The following RSBN1L variants were observed in gnomAD, a reference collection of about 807,000 sequenced individuals.
RSBN1L encodes the protein round spermatid basic protein 1 like, also known as lysine-specific demethylase RSBN1L.
In RSBN1L, 30 loss-of-function variants were observed where a neutral mutation model predicts 67.7. The ratio of observed to expected loss-of-function variants is 0.44; its 90% confidence interval spans 0.33 to 0.60. RSBN1L has a LOEUF of 0.60. Among genes scored for constraint, RSBN1L ranks in the 20% least tolerant of loss-of-function variants. The probability of loss-of-function intolerance (pLI) is 0.02; values close to 1 mark genes in which losing one functional copy is unlikely to be tolerated. For missense variants in RSBN1L, 992 were observed against 1,031.7 expected (o/e 0.96, Z 0.53); for synonymous variants, 433 against 387.0 (o/e 1.12, Z -1.39).
chr7:77,714,958 C>CAA (rs35501995), intron 1 of RSBN1L, among the ~76,000 whole-genome samples: 204 of 91,450 alleles, frequency 2.2e-3, no homozygotes, highest in African/African-American at 8.3e-3. Flanking sequence ...GACTCCATCT[C>CAA]AAAAAAAAAA....
At chr7:77,744,142 C>T (rs1285489100) in intron 2 of RSBN1L, among the ~76,000 whole-genome samples, 1 of 152,132 alleles carries the variant, frequency 6.6e-6, no homozygotes, top group Non-Finnish European at 1.5e-5. Context: ...AGCCATCCTC[C>T]TGCCTCAGCC....
At chr7:77,758,272 T>C (rs1007617937) in intron 3 of RSBN1L, among the ~76,000 whole-genome samples, 1 of 152,184 alleles carries the variant, frequency 6.6e-6, no homozygotes, top group Non-Finnish European at 1.5e-5. Flanking sequence ...TGTGCCTCAG[T>C]CACCCAAATA....
intron 1 of RSBN1L, among the ~76,000 whole-genome samples, chr7:77,720,858 C>T (rs1161360518): frequency 6.7e-6 from 1 of 149,676 alleles, no homozygotes; most frequent in Non-Finnish European, 1.5e-5. Flanking sequence ...ATCAGCCTCC[C>T]AGGTTCTCAT....
At chr7:77,718,604 G>A (rs577108317) in intron 1 of RSBN1L, among the ~76,000 whole-genome samples, 1 of 152,154 alleles carries the variant, frequency 6.6e-6, no homozygotes, top group Non-Finnish European at 1.5e-5. Flanking sequence ...AGTGTATTTT[G>A]TAAGACAGTT....
At chr7:77,745,775 A>G (rs1439070264) in intron 2 of RSBN1L, among the ~76,000 whole-genome samples, 1 of 152,208 alleles carries the variant, frequency 6.6e-6, no homozygotes, top group Non-Finnish European at 1.5e-5. Context: ...TGAAATAATT[A>G]TATAACTCAC....
chr7:77,710,953 C>A (rs1490395923), intron 1 of RSBN1L, among the ~76,000 whole-genome samples: 2 of 152,196 alleles, frequency 1.3e-5, no homozygotes, highest in African/African-American at 4.8e-5. Flanking sequence ...TCTGTGAAAG[C>A]TGGGTCTGTG....
At chr7:77,704,659 A>G (rs1182690813) in intron 1 of RSBN1L, among the ~76,000 whole-genome samples, 2 of 151,734 alleles carry the variant, frequency 1.3e-5, no homozygotes, top group African/African-American at 4.8e-5. Context: ...TTTTTTTCCC[A>G]TTAAGTAACT....
At position 77,729,252 on chromosome 7, in the gene RSBN1L, A is replaced by G. The variant is rs534949503; in HGVS notation, c.587-7158A>G. Among the ~76,000 whole-genome samples, 234 of 152,184 alleles carry G rather than the reference A, an allele frequency of 1.5e-3. 1 individual carries two copies. Among genetic ancestry groups the G allele is most frequent in the Non-Finnish European group, 2.8e-3 (190 of 68,004 alleles). On this transcript the variant is annotated intron_variant, in intron 1 of 7. Transcript: ENST00000334955. ...TTTCTGCCCTAATTTTGAGGTCTGT[A>G]TGGCTGCAGTTGGAAGGAGGTGGTG...
At chr7:77,746,487 A>T (rs1791485916) in intron 2 of RSBN1L, among the ~76,000 whole-genome samples, 1 of 152,192 alleles carries the variant, frequency 6.6e-6, no homozygotes, top group Admixed American at 6.5e-5. Context: ...ATTGGGGATT[A>T]CAGTTCGACA....
intron 5 of RSBN1L, among the ~76,000 whole-genome samples, chr7:77,770,236 G>A (rs755432007): frequency 5.9e-5 from 9 of 152,224 alleles, no homozygotes; most frequent in Non-Finnish European, 8.8e-5. Flanking sequence ...TTAGCCCAGC[G>A]TGGTGGGACA....
rs1173154183 is a variant in RSBN1L at position 77,739,739 on chromosome 7, C to CTTTTTTTTTT, written c.703+3233_703+3242dup. ...AAAAAAAAAAAAAAAAAAAATGTGT[C>CTTTTTTTTTT]TTTTTTTTTTTTTTTTTTTTTTTTT... On this transcript the variant is annotated intron_variant, in intron 2 of 7. Transcript: ENST00000334955. Among the ~76,000 whole-genome samples, 327 of 42,694 alleles carry CTTTTTTTTTT rather than the reference C, an allele frequency of 7.7e-3. 50 individuals are homozygous for CTTTTTTTTTT. Among genetic ancestry groups the CTTTTTTTTTT allele is most frequent in the Non-Finnish European group, 8.2e-3 (208 of 25,266 alleles). 28.0% of individuals were successfully genotyped at this position (42,694 alleles called of 152,430 possible).
chr7:77,756,102 T>C (rs1448829208), intron 3 of RSBN1L, among the ~76,000 whole-genome samples: 3 of 152,072 alleles, frequency 2.0e-5, no homozygotes, highest in African/African-American at 7.2e-5. Context: ...GTGAAGATGA[T>C]AGAGAAAAAT....
Position 77,746,517 on chromosome 7 carries a change from C to G in RSBN1L, c.704-2907C>G, listed in dbSNP as rs180781696. Among the ~76,000 whole-genome samples, 12 of 152,256 alleles carry G rather than the reference C, an allele frequency of 7.9e-5. No homozygotes were observed. In the East Asian group the frequency reaches 1.7e-3, roughly 22 times the overall value. ...TCGACATGAGATTTGGGAGGGGACA[C>G]AGATCCAAACCATATCATTTCACCC... On this transcript the variant is annotated intron_variant, in intron 2 of 7. Transcript: ENST00000334955.
At chr7:77,778,287 A>C in intron 6 of RSBN1L, 51 bp from the exon 7 acceptor site, 1 of 1,301,376 alleles carries the variant, frequency 7.7e-7, no homozygotes, top group South Asian at 1.3e-5. Context: ...TAAGGACTCA[A>C]AAGAGTGAAG....
chr7:77,705,510 G>GTTTTTTTTTTTTTTTTTT (rs56187940), intron 1 of RSBN1L, among the ~76,000 whole-genome samples: 1 of 111,510 alleles, frequency 9.0e-6, no homozygotes, highest in Non-Finnish European at 1.7e-5. Flanking sequence ...CATTGTAATG[G>GTTTTTTTTTTTTTTTTTT]TTTTTTTTTT....
intron 1 of RSBN1L, among the ~76,000 whole-genome samples, chr7:77,704,991 TTGTG>T (rs138276295): frequency 0.02 from 2,982 of 149,226 alleles, 87 homozygotes; most frequent in African/African-American, 0.069. Flanking sequence ...AAAAAAAAAG[TTGTG>T]TGTGTGTGTG....
chr7:77,724,476 A>C (rs1445355409), intron 1 of RSBN1L, among the ~76,000 whole-genome samples: 2 of 138,662 alleles, frequency 1.4e-5, no homozygotes, highest in South Asian at 2.2e-4. Flanking sequence ...TCCAGGTGGG[A>C]GTACACTGGT....
At chr7:77,758,975 T>C (rs543943002) in intron 3 of RSBN1L, among the ~76,000 whole-genome samples, 11 of 152,206 alleles carry the variant, frequency 7.2e-5, no homozygotes, top group Non-Finnish European at 1.5e-4. Context: ...CTAAATCTTA[T>C]TTTTATTGTA....
At chr7:77,742,319 C>G (rs1277614223) in intron 2 of RSBN1L, among the ~76,000 whole-genome samples, 1 of 151,792 alleles carries the variant, frequency 6.6e-6, no homozygotes, top group Non-Finnish European at 1.5e-5. Flanking sequence ...CTGAAAGAAA[C>G]TAGGCACAAG....
Sources: gnomAD v4.1 joint callset for allele counts (sites outside exome capture counted in the v4.1 genomes callset) on GRCh38, gnomAD v4.1.1 for gene constraint, MANE v1.5 for transcripts, NCBI Gene and HGNC (gene_info 2026-07-23, HGNC 2026-07-21) for gene names.